Variants in TNS1 observed in about 807,000 individuals in gnomAD.
TNS1 encodes the protein tensin-1.
In TNS1, 62 loss-of-function variants were observed where a neutral mutation model predicts 168.6. The observed-to-expected ratio is 0.37, with a 90% CI of 0.30 to 0.45. The LOEUF is 0.45. Ranked by LOEUF, TNS1 falls within the 20% of genes least tolerant of loss-of-function variation. TNS1 has a pLI of 1.00. For missense variants in TNS1, 2,240 were observed against 2,339.4 expected, an observed-to-expected ratio of 0.96 and a Z score of 0.88; for synonymous variants, 934 against 933.2, an observed-to-expected ratio of 1.00 and a Z score of -0.02.
At chr2:217,805,504 C>CCACACACACCACACACA (rs1559131945) in intron 32 of TNS1, among the ~76,000 whole-genome samples, 1 of 58,212 alleles carries the variant, frequency 1.7e-5, no homozygotes, top group East Asian at 6.7e-4. Context: ...ACCACACACA[C>CCACACACACCACACACA]CACCACACAC....
intron 12 of TNS1, among the ~76,000 whole-genome samples, chr2:217,887,910 A>C (rs1951365229): frequency 6.6e-6 from 1 of 152,232 alleles, no homozygotes; most frequent in Non-Finnish European, 1.5e-5. Context: ...TGAGTCAGCT[A>C]GACCAATCAG....
chr2:217,883,584 T>C (rs1950884645), intron 16 of TNS1, among the ~76,000 whole-genome samples: 1 of 152,228 alleles, frequency 6.6e-6, no homozygotes, highest in African/African-American at 2.4e-5. Flanking sequence ...TTTATTGATA[T>C]GTCAATTTTC....
chr2:217,968,578 TA>T (rs1280816242), intron 3 of TNS1, among the ~76,000 whole-genome samples: 1 of 151,902 alleles, frequency 6.6e-6, no homozygotes, highest in African/African-American at 2.4e-5. Flanking sequence ...ACAAAAGAAG[TA>T]AAAAATATAT....
Position 217,804,489 on chromosome 2 carries a change from C to T in TNS1, c.5490G>A (p.Lys1830=), listed in dbSNP as rs777124218. 40 of 1,614,018 alleles carry T rather than the reference C, an allele frequency of 2.5e-5. No individual in the cohort carries two copies. The highest frequency in any genetic ancestry group is 3.3e-5 in the Non-Finnish European group (39 of 1,180,020). The change falls in exon 33 of 33, where the codon AAG becomes AAA. Residue 1830 remains lysine (K), a synonymous_variant. Transcript: ENST00000682258. The stretch of plus-strand genomic sequence containing the variant: ...TCTTTTGGCCGGCATTCAGCATGAC[C>T]TTGGAGACGAAGTTGACGATGGCAG... The part of the protein sequence containing the change: ...PASAIVNFVS[K]VMLNAGQKR
intron 21 of TNS1, among the ~76,000 whole-genome samples, chr2:217,832,146 A>T (rs1159400753): frequency 6.6e-6 from 1 of 152,198 alleles, no homozygotes; most frequent in Admixed American, 6.5e-5. Context: ...GTCCCTTGAA[A>T]AGCCCAGGAG....
At chr2:217,841,474 T>A (rs983102133) in intron 19 of TNS1, among the ~76,000 whole-genome samples, 1 of 152,074 alleles carries the variant, frequency 6.6e-6, no homozygotes, top group Non-Finnish European at 1.5e-5. Flanking sequence ...TCAAGATTAG[T>A]TGGTGTTCTG....
At chr2:217,903,743 G>A in intron 6 of TNS1, 4 of 781,340 alleles carry the variant, frequency 5.1e-6, no homozygotes, top group South Asian at 5.0e-5. Context: ...TGCAGATTCA[G>A]CCAACTCTTT....
intron 18 of TNS1, among the ~76,000 whole-genome samples, chr2:217,853,725 C>T (rs1947798440): frequency 6.6e-6 from 1 of 152,206 alleles, no homozygotes; most frequent in African/African-American, 2.4e-5. Flanking sequence ...AGCTTGATTG[C>T]ACCACGGGGC....
rs1378153552 is a variant in TNS1, at chr2:217,848,111, G to A, written c.2406C>T (p.Ala802=). The change falls in exon 19 of 33, where the codon GCC becomes GCT. Residue 802 remains alanine, a synonymous_variant. Coordinates refer to ENST00000682258, the MANE Select transcript of TNS1 (RefSeq NM_001387777.1). The part of the protein sequence containing the change: ...QERAHLESLV[A]SRPSPQPLAE... ...CCAATGGCTGAGGGCTGGGCCTGCT[G>A]GCTACAAGACTCTCCAAGTGGGCTC... 6.3e-7 allele frequency: 1 copy of A among 1,575,268 alleles called. No homozygotes were observed. The highest frequency in any genetic ancestry group is 1.2e-5 in the South Asian group (1 of 83,732).
chr2:217,848,469 C>G lies in TNS1; in HGVS notation c.2048G>C (p.Gly683Ala). ...CCGGCTGGCAGACTCGTAGGGGTAG[C>G]CTCCTCCATTGACCATAGGCTCCAT... ...YPMEPMVNGG[G>A]YPYESASRAG... Residue 683 changes from glycine (G) to alanine (A), a missense_variant, in exon 19 of 33, where the codon GGC becomes GCC. Physicochemically the swap from Gly to Ala is moderately conservative, Grantham distance 60 (BLOSUM62 0). Transcript: ENST00000682258. The G allele has an allele frequency of 6.2e-7, 1 of 1,613,200 alleles. No individual in the cohort carries two copies. Among genetic ancestry groups the G allele is most frequent in the Non-Finnish European group, 8.5e-7 (1 of 1,179,414 alleles).
chr2:217,854,197 C>T (rs1160263437), intron 18 of TNS1, among the ~76,000 whole-genome samples: 1 of 152,138 alleles, frequency 6.6e-6, no homozygotes, highest in African/African-American at 2.4e-5. Flanking sequence ...ACTTTGGGCT[C>T]TGAGATCAAG....
At position 218,032,871 on chromosome 2, in the gene TNS1, C is replaced by A. The variant is rs1040575553; in HGVS notation, c.156+949G>T. Among the ~76,000 whole-genome samples, 1 of 152,122 alleles carries A rather than the reference C, an allele frequency of 6.6e-6. No homozygotes were observed. Among genetic ancestry groups the A allele is most frequent in the East Asian group, 1.9e-4 (1 of 5,182 alleles). ...CGCTTAGAAACCAGCTCATCTGATG[C>A]AGACACTCGTCCCCATCCCTCTCCC... is the stretch of plus-strand genomic sequence containing the variant. On this transcript the variant is annotated intron_variant, in intron 1 of 1. Transcript: ENST00000649572. This position sits in a 1 kb window ranked among gnomAD's most constrained non-coding sequence, Gnocchi z 4.0.
intron 31 of TNS1, 136 bp downstream of exon 31, chr2:217,808,467 A>G (rs1048256669): frequency 3.4e-6 from 3 of 892,488 alleles, no homozygotes; most frequent in South Asian, 3.1e-5. Flanking sequence ...TTACTCACAC[A>G]TGGGCAGACC....
intron 3 of TNS1, among the ~76,000 whole-genome samples, chr2:217,947,965 G>A (rs1357548580): frequency 6.6e-6 from 1 of 152,196 alleles, no homozygotes; most frequent in African/African-American, 2.4e-5. Context: ...CTTAGAGATG[G>A]GCTCAGAGCA....
At chr2:217,832,618 T>G (rs1179965314) in intron 21 of TNS1, among the ~76,000 whole-genome samples, 1 of 152,210 alleles carries the variant, frequency 6.6e-6, no homozygotes. Context: ...TCCCTGCCCC[T>G]GCTGCTTTCC....
intron 18 of TNS1, among the ~76,000 whole-genome samples, chr2:217,871,739 C>T (rs1949793133): frequency 6.6e-6 from 1 of 152,274 alleles, no homozygotes; most frequent in Non-Finnish European, 1.5e-5. Context: ...TCACCACTCT[C>T]CCATCCGGCC....
intron 3 of TNS1, among the ~76,000 whole-genome samples, chr2:217,931,344 T>C (rs1031733436): frequency 6.6e-6 from 1 of 152,070 alleles, no homozygotes; most frequent in Non-Finnish European, 1.5e-5. Flanking sequence ...TTAGCTGTGC[T>C]AGAACAGTAA....
chr2:217,810,597 G>C (rs1217876204), intron 28 of TNS1, among the ~76,000 whole-genome samples: 3 of 152,154 alleles, frequency 2.0e-5, no homozygotes, highest in African/African-American at 7.2e-5. Flanking sequence ...GATGATCATG[G>C]TACCCACGTC....
chr2:217,863,037 C>G (rs942142501), intron 18 of TNS1, among the ~76,000 whole-genome samples: 3 of 151,666 alleles, frequency 2.0e-5, no homozygotes, highest in African/African-American at 4.8e-5. Flanking sequence ...GGCCCAGCCT[C>G]CCTGGTCACC....
Sources: allele counts gnomAD v4.1 joint callset (sites outside exome capture counted in the v4.1 genomes callset), GRCh38; gene constraint gnomAD v4.1.1; non-coding constraint Gnocchi (gnomAD v3.1); transcripts MANE v1.5; gene names NCBI Gene and HGNC (gene_info 2026-07-23, HGNC 2026-07-21).